SEM1: variants seen among roughly 807,000 people sequenced by gnomAD.
SEM1 encodes 26S proteasome complex subunit SEM1.
A neutral mutation model predicts 12.7 loss-of-function variants in SEM1; 3 were observed. The observed-to-expected ratio is 0.24, with a 90% CI of 0.11 to 0.61. SEM1 has a LOEUF of 0.61. Ranked by LOEUF, SEM1 falls within the 20% of genes least tolerant of loss-of-function variation. The pLI is 0.88. For missense variants in SEM1, 59 were observed against 81.3 expected (o/e 0.73, Z 1.06); for synonymous variants, 30 against 27.8 (o/e 1.08, Z -0.25).
chr7:96,635,013 A>T (rs1205192166), intron 2 of SEM1, among the ~76,000 whole-genome samples: 1 of 152,144 alleles, frequency 6.6e-6, no homozygotes, highest in East Asian at 1.9e-4. Context: ...GAAATGGCCA[A>T]CCCAGACAGG....
upstream of SEM1, among the ~76,000 whole-genome samples, chr7:96,498,891 T>G (rs1247144840): frequency 6.6e-6 from 1 of 152,182 alleles, no homozygotes; most frequent in Non-Finnish European, 1.5e-5. Context: ...TAATAATAGT[T>G]TCTGTCCCAT....
intron 2 of SEM1, among the ~76,000 whole-genome samples, chr7:96,602,743 G>A (rs759453722): frequency 6.6e-6 from 1 of 152,098 alleles, no homozygotes; most frequent in Non-Finnish European, 1.5e-5. Flanking sequence ...GGGGACAGAT[G>A]GTACTGAGAA....
intron 1 of SEM1, among the ~76,000 whole-genome samples, chr7:96,496,103 G>A (rs1239024989): frequency 6.6e-6 from 1 of 152,112 alleles, no homozygotes; most frequent in Non-Finnish European, 1.5e-5. Flanking sequence ...CCCACTTCCT[G>A]TTGAGAAATA....
At chr7:96,621,106 C>T (rs1457196305), downstream of SEM1, among the ~76,000 whole-genome samples, 1 of 152,022 alleles carries the variant, frequency 6.6e-6, no homozygotes, top group African/African-American at 2.4e-5. Flanking sequence ...ATCTACTGTA[C>T]ATAATTATGT....
At chr7:96,583,513 T>A (rs1806492854) in intron 2 of SEM1, among the ~76,000 whole-genome samples, 1 of 149,394 alleles carries the variant, frequency 6.7e-6, no homozygotes, top group African/African-American at 2.5e-5. Context: ...CTGAGTTCAA[T>A]TCCTGGGTAT....
At chr7:96,700,393 T>C (rs1030715538) in intron 1 of SEM1, among the ~76,000 whole-genome samples, 7 of 152,220 alleles carry the variant, frequency 4.6e-5, no homozygotes, top group African/African-American at 1.7e-4. Flanking sequence ...CATCCCTCGG[T>C]ATACTCGGGG....
chr7:96,601,053 A>G (rs1807182954), intron 2 of SEM1, among the ~76,000 whole-genome samples: 1 of 152,168 alleles, frequency 6.6e-6, no homozygotes, highest in South Asian at 2.1e-4. Context: ...GCTTCTCATA[A>G]CCAGAGATCC....
intron 2 of SEM1, among the ~76,000 whole-genome samples, chr7:96,647,747 T>C (rs1808845950): frequency 6.6e-6 from 1 of 152,242 alleles, no homozygotes; most frequent in Non-Finnish European, 1.5e-5. Flanking sequence ...TATGTTAATA[T>C]AGCCAAAGAC....
intron 2 of SEM1, among the ~76,000 whole-genome samples, chr7:96,534,927 A>G (rs1449530646): frequency 6.6e-6 from 1 of 152,002 alleles, no homozygotes; most frequent in African/African-American, 2.4e-5. Flanking sequence ...TTCTAATATA[A>G]TAGATACCAA....
At chr7:96,694,652 T>G in intron 2 of SEM1, 146 bp downstream of exon 2, 1 of 447,376 alleles carries the variant, frequency 2.2e-6, no homozygotes, top group Non-Finnish European at 4.0e-6. Flanking sequence ...TCACAGGAGA[T>G]GAAGACAATA....
At chr7:96,544,410 A>G (rs1563053945) in intron 2 of SEM1, among the ~76,000 whole-genome samples, 1 of 152,062 alleles carries the variant, frequency 6.6e-6, no homozygotes, top group African/African-American at 2.4e-5. Flanking sequence ...TGAACATAAT[A>G]TAATTATAAA....
chr7:96,635,673 A>T lies in SEM1; in HGVS notation c.171-13030T>A, dbSNP rs74472769. On this transcript the variant is annotated intron_variant, in intron 2 of 2. Transcript: ENST00000417009. ...AGCACTACCTAGCTTGAAAAGAGCA[A>T]TCTTGGTGAAGCTGATGGGTATGCA... Among the ~76,000 whole-genome samples, 1,404 of 152,282 alleles carry T rather than the reference A, an allele frequency of 9.2e-3. 18 individuals are homozygous for T. Among genetic ancestry groups the T allele is most frequent in the African/African-American group, 0.032 (1,333 of 41,570 alleles).
chr7:96,506,319 G>T (rs1460880691), intron 3 of SEM1, among the ~76,000 whole-genome samples: 1 of 152,078 alleles, frequency 6.6e-6, no homozygotes, highest in Non-Finnish European at 1.5e-5. Flanking sequence ...GCCAAGTCTG[G>T]ATATGGGCTT....
chr7:96,687,443 C>T (rs1376067788), downstream of SEM1, among the ~76,000 whole-genome samples: 1 of 152,128 alleles, frequency 6.6e-6, no homozygotes, highest in Middle Eastern at 3.2e-3. Context: ...CCATGGAATA[C>T]TATGCAGCCA....
At chr7:96,606,539 T>C in intron 2 of SEM1, among the ~76,000 whole-genome samples, 1 of 152,142 alleles carries the variant, frequency 6.6e-6, no homozygotes, top group South Asian at 2.1e-4. Context: ...CAGGCTTGAA[T>C]GGAGGACATA....
At chr7:96,560,390 T>C (rs1479077648) in intron 2 of SEM1, among the ~76,000 whole-genome samples, 1 of 152,198 alleles carries the variant, frequency 6.6e-6, no homozygotes, top group Admixed American at 6.5e-5. Flanking sequence ...CCTTAAATGC[T>C]AATGAGTTTT....
At chr7:96,527,262 C>T (rs558165467) in intron 2 of SEM1, among the ~76,000 whole-genome samples, 84 of 152,102 alleles carry the variant, frequency 5.5e-4, no homozygotes, top group Admixed American at 9.2e-4. Context: ...CACAATGACA[C>T]GTGACTTAAT....
intron 2 of SEM1, among the ~76,000 whole-genome samples, chr7:96,676,384 GC>G (rs1671372346): frequency 6.6e-6 from 1 of 152,090 alleles, no homozygotes; most frequent in African/African-American, 2.4e-5. Flanking sequence ...GAATGTTCCT[GC>G]AACAATTCAT....
At chr7:96,694,289 G>A (rs559996294) in intron 2 of SEM1, among the ~76,000 whole-genome samples, 71 of 152,072 alleles carry the variant, frequency 4.7e-4, no homozygotes, top group African/African-American at 1.7e-3. Context: ...GCACAATATT[G>A]AGGATGTACT....
Sources: allele counts gnomAD v4.1 joint callset (sites outside exome capture counted in the v4.1 genomes callset), GRCh38; gene constraint gnomAD v4.1.1; transcripts MANE v1.5; gene names NCBI Gene and HGNC (gene_info 2026-07-23, HGNC 2026-07-21).